ARHGAP15: variants seen among roughly 807,000 people sequenced by gnomAD.
The protein encoded by ARHGAP15 is Rho GTPase activating protein 15.
Under a neutral mutation model 63.7 loss-of-function variants are expected in ARHGAP15, and 51 were observed. The ratio of observed to expected loss-of-function variants is 0.80; its 90% CI spans 0.64 to 1.01. The LOEUF (loss-of-function observed/expected upper bound fraction) is 1.01. ARHGAP15 is among the 50% of genes least tolerant of loss of function. The pLI, the probability that ARHGAP15 is intolerant of heterozygous loss-of-function variation, is 0.00. For missense variants in ARHGAP15, 560 were observed against 564.6 expected (o/e 0.99, Z 0.08); for synonymous variants, 191 against 193.8 (o/e 0.99, Z 0.12).
chr2:143,525,922 A>G (rs1694252279), intron 10 of ARHGAP15, among the ~76,000 whole-genome samples: 1 of 152,214 alleles, frequency 6.6e-6, no homozygotes, highest in Non-Finnish European at 1.5e-5. Context: ...AATGTGGATA[A>G]GAGGACATGC....
intron 10 of ARHGAP15, among the ~76,000 whole-genome samples, chr2:143,554,888 A>G (rs1695723191): frequency 6.6e-6 from 1 of 152,154 alleles, no homozygotes; most frequent in African/African-American, 2.4e-5. Flanking sequence ...TTACAAATAT[A>G]TGTGTCTTAG....
intron 6 of ARHGAP15, among the ~76,000 whole-genome samples, chr2:143,426,332 A>T (rs1689136468): frequency 6.6e-6 from 1 of 152,100 alleles, no homozygotes; most frequent in Non-Finnish European, 1.5e-5. Context: ...CTTTTTCAAT[A>T]ACTGAAAATA....
intron 13 of ARHGAP15, among the ~76,000 whole-genome samples, chr2:143,709,606 G>A (rs927250189): frequency 6.6e-6 from 1 of 150,576 alleles, no homozygotes; most frequent in African/African-American, 2.4e-5. Context: ...ATGCCTCATT[G>A]AAAGTAGAAA....
chr2:143,155,599 A>T lies in ARHGAP15; in HGVS notation c.109A>T (p.Arg37Trp). The T allele has an allele frequency of 6.2e-7, 1 of 1,608,050 alleles. No homozygotes were observed. The highest frequency in any genetic ancestry group is 8.5e-7 in the Non-Finnish European group (1 of 1,177,494). Residue 37 changes from arginine (R) to tryptophan (W), a missense_variant, in exon 2 of 14, where the codon AGG becomes TGG. By Grantham distance (101) the Arg-to-Trp change is moderately radical. Coordinates refer to ENST00000295095, the MANE Select transcript of ARHGAP15 (RefSeq NM_018460.4). Reference protein sequence around the residue: ...RIKNANSHHDRLSQSKSMILT... With the variant: ...RIKNANSHHDWLSQSKSMILT... ...CAAAAATGCCAACAGCCACCATGAC[A>T]GGCTCAGCCAAAGTAAATCCATGAT...
At chr2:143,323,023 T>A (rs1684093385) in intron 6 of ARHGAP15, among the ~76,000 whole-genome samples, 1 of 152,240 alleles carries the variant, frequency 6.6e-6, no homozygotes, top group African/African-American at 2.4e-5. Context: ...TGTATCCATC[T>A]GTCCCTCCCT....
Position 143,765,109 on chromosome 2 carries a change from A to G in ARHGAP15, c.1245-2880A>G, listed in dbSNP as rs537899979. Among the ~76,000 whole-genome samples the G allele has an allele frequency of 3.7e-3, 548 of 147,644 alleles. 4 individuals are homozygous for G. Among genetic ancestry groups the G allele is most frequent in the African/African-American group, 0.012 (471 of 39,696 alleles). ...CTATCTCCATATTTGCCTCTAAAAT[A>G]TGTGTGTGTGTGTGTGTGTGTGTGT... On this transcript the variant is annotated intron_variant, in intron 13 of 13. Transcript: ENST00000295095.
chr2:143,417,488 T>G (rs1688740539), intron 6 of ARHGAP15, among the ~76,000 whole-genome samples: 1 of 152,156 alleles, frequency 6.6e-6, no homozygotes. Context: ...TATGGATAAT[T>G]AGATACTCTT....
intron 6 of ARHGAP15, among the ~76,000 whole-genome samples, chr2:143,265,074 C>T (rs1680921322): frequency 6.6e-6 from 1 of 151,982 alleles, no homozygotes; most frequent in African/African-American, 2.4e-5. Flanking sequence ...AAAGTTTTTG[C>T]AACATTAGGT....
chr2:143,677,625 GGATTT>G (rs1233997532), intron 12 of ARHGAP15, among the ~76,000 whole-genome samples: 1 of 152,058 alleles, frequency 6.6e-6, no homozygotes, highest in African/African-American at 2.4e-5. Flanking sequence ...AATATTTGAT[GGATTT>G]GATTTGATTG....
intron 10 of ARHGAP15, among the ~76,000 whole-genome samples, chr2:143,544,822 G>C (rs969863150): frequency 2.6e-5 from 4 of 152,222 alleles, no homozygotes; most frequent in African/African-American, 9.6e-5. Flanking sequence ...AAGCAGGAAG[G>C]AACATGACCT....
intron 2 of ARHGAP15, among the ~76,000 whole-genome samples, chr2:143,176,581 G>A (rs548008750): frequency 2.0e-5 from 3 of 152,200 alleles, no homozygotes; most frequent in Non-Finnish European, 2.9e-5. Context: ...ATAAGACTAA[G>A]AATAATCATG....
At chr2:143,399,595 G>A (rs984458953) in intron 6 of ARHGAP15, among the ~76,000 whole-genome samples, 8 of 151,970 alleles carry the variant, frequency 5.3e-5, no homozygotes, top group Non-Finnish European at 8.8e-5. Flanking sequence ...GTTTTCCCAC[G>A]TATTATCTCA....
At chr2:143,262,098 G>A (rs143059127) in intron 6 of ARHGAP15, among the ~76,000 whole-genome samples, 18 of 152,216 alleles carry the variant, frequency 1.2e-4, no homozygotes, top group Non-Finnish European at 1.8e-4. Context: ...GATGTGTAAC[G>A]CGTGCTGAGG....
intron 2 of ARHGAP15, among the ~76,000 whole-genome samples, chr2:143,186,466 G>T (rs905372167): frequency 6.6e-6 from 1 of 151,992 alleles, no homozygotes; most frequent in African/African-American, 2.4e-5. Context: ...TTGGTTCCTA[G>T]GTATGTTTTG....
At chr2:143,628,371 C>T (rs1698922873) in intron 12 of ARHGAP15, among the ~76,000 whole-genome samples, 1 of 152,072 alleles carries the variant, frequency 6.6e-6, no homozygotes, top group Admixed American at 6.6e-5. Flanking sequence ...CCAATGGTAG[C>T]TCAGTTTTAA....
At chr2:143,215,601 G>A (rs1692725841) in intron 3 of ARHGAP15, among the ~76,000 whole-genome samples, 1 of 152,092 alleles carries the variant, frequency 6.6e-6, no homozygotes, top group Non-Finnish European at 1.5e-5. Flanking sequence ...TAACGACTTG[G>A]GATGGGGCAT....
chr2:143,206,227 A>C (rs1226238709), intron 3 of ARHGAP15, among the ~76,000 whole-genome samples: 1 of 152,038 alleles, frequency 6.6e-6, no homozygotes, highest in Non-Finnish European at 1.5e-5. Context: ...TGGATTGTAA[A>C]TGTCTTGAAG....
intron 8 of ARHGAP15, among the ~76,000 whole-genome samples, chr2:143,442,289 A>G (rs1225945328): frequency 6.6e-6 from 1 of 152,204 alleles, no homozygotes; most frequent in Non-Finnish European, 1.5e-5. Context: ...ACCAAGCCAC[A>G]AAAGCACACT....
chr2:143,316,497 C>T (rs1430740210), intron 6 of ARHGAP15, among the ~76,000 whole-genome samples: 2 of 148,758 alleles, frequency 1.3e-5, no homozygotes, highest in South Asian at 2.1e-4. Context: ...CAGAATCTCG[C>T]TATTTGTAAT....
Sources: gnomAD v4.1 joint callset for allele counts (sites outside exome capture counted in the v4.1 genomes callset) on GRCh38, gnomAD v4.1.1 for gene constraint, MANE v1.5 for transcripts, NCBI Gene and HGNC (gene_info 2026-07-23, HGNC 2026-07-21) for gene names.